The following DEPDC1B variants were observed in gnomAD, a reference collection of about 807,000 sequenced individuals.
DEPDC1B encodes the protein DEP domain-containing protein 1B.
Under a neutral mutation model 66.5 loss-of-function variants are expected in DEPDC1B, and 51 were observed. The ratio of observed to expected loss-of-function variants is 0.77; its 90% CI spans 0.61 to 0.97. The LOEUF is 0.97. Among genes scored for constraint, DEPDC1B ranks in the 50% least tolerant of loss-of-function variants. The pLI is 0.00. For synonymous variants in DEPDC1B, 226 were observed against 223.6 expected (o/e 1.01, Z -0.10); for missense variants, 552 against 637.1 (o/e 0.87, Z 1.44).
intron 6 of DEPDC1B, among the ~76,000 whole-genome samples, chr5:60,640,288 T>C (rs2111858555): frequency 6.6e-6 from 1 of 152,270 alleles, no homozygotes; most frequent in African/African-American, 2.4e-5. Flanking sequence ...ACACATTGCC[T>C]AGAATTACTC....
At chr5:60,643,108 T>A (rs1048274825) in intron 5 of DEPDC1B, among the ~76,000 whole-genome samples, 3 of 151,808 alleles carry the variant, frequency 2.0e-5, no homozygotes, top group South Asian at 2.1e-4. Flanking sequence ...TTTAAAGCTA[T>A]AGTAAAAAGA....
At chr5:60,637,414 A>T (rs1293999476) in intron 7 of DEPDC1B, among the ~76,000 whole-genome samples, 1 of 152,196 alleles carries the variant, frequency 6.6e-6, no homozygotes, top group Non-Finnish European at 1.5e-5. Flanking sequence ...TTCTGCCATG[A>T]GTAAAAGCTC....
intron 2 of DEPDC1B, among the ~76,000 whole-genome samples, chr5:60,653,242 T>A (rs1343912697): frequency 6.7e-6 from 1 of 149,316 alleles, no homozygotes; most frequent in Non-Finnish European, 1.5e-5. Context: ...TCTAAACGTG[T>A]TCCTTTTTTG....
At chr5:60,661,545 C>T (rs1056846091) in intron 2 of DEPDC1B, among the ~76,000 whole-genome samples, 19 of 152,144 alleles carry the variant, frequency 1.2e-4, no homozygotes, top group Non-Finnish European at 4.4e-5. Flanking sequence ...CTTTTTCCCT[C>T]TCAGACTTGA....
chr5:60,622,297 T>C (rs1051408550), intron 7 of DEPDC1B, among the ~76,000 whole-genome samples: 1 of 152,142 alleles, frequency 6.6e-6, no homozygotes, highest in Admixed American at 6.6e-5. Context: ...GATTCCCCTT[T>C]CCTAGAATTT....
intron 7 of DEPDC1B, among the ~76,000 whole-genome samples, chr5:60,617,205 G>A (rs1287029302): frequency 3.9e-5 from 6 of 152,242 alleles, no homozygotes; most frequent in Non-Finnish European, 7.4e-5. Flanking sequence ...AAAGACCATC[G>A]AGGCTAGGAA....
In DEPDC1B at chr5:60,645,533, C is replaced by A. The variant is rs1753292591; in HGVS notation, c.537G>T (p.Glu179Asp). Residue 179 changes from glutamate to aspartate, a missense_variant, in exon 4 of 11, where the codon GAG (glutamate) becomes GAT (aspartate). Glu to Asp is a conservative substitution (Grantham distance 45, BLOSUM62 2). Coordinates refer to ENST00000265036, the MANE Select transcript of DEPDC1B (RefSeq NM_018369.3). Reference sequence around the variant, plus strand: ...ACTTCCATATCTCTTCTACATTGGCCTCTGTCAGCTGTCTGCGGTGGACAA... The same window carrying A: ...ACTTCCATATCTCTTCTACATTGGCATCTGTCAGCTGTCTGCGGTGGACAA... ...CRLVHRRQLT[E>D]ANVEEIWKSM... is the part of the protein sequence containing the mutation. 2 of 1,612,996 alleles carry A rather than the reference C, an allele frequency of 1.2e-6. No homozygotes were observed. Among genetic ancestry groups the A allele is most frequent in the Middle Eastern group, 1.7e-4 (1 of 6,054 alleles).
chr5:60,662,168 C>A (rs1369448711), intron 2 of DEPDC1B, among the ~76,000 whole-genome samples: 3 of 151,588 alleles, frequency 2.0e-5, no homozygotes, highest in Non-Finnish European at 4.4e-5. Context: ...GCAGGTGGAT[C>A]ACGAGGTCAG....
intron 2 of DEPDC1B, among the ~76,000 whole-genome samples, chr5:60,686,412 C>T (rs1008635676): frequency 6.6e-6 from 1 of 152,124 alleles, no homozygotes; most frequent in Non-Finnish European, 1.5e-5. Context: ...CTTTATTTTC[C>T]CTTGGATTAT....
chr5:60,645,657 A>G (rs1391781943), intron 3 of DEPDC1B, 38 bp from the exon 4 acceptor site: 1 of 1,578,216 alleles, frequency 6.3e-7, no homozygotes, highest in Admixed American at 1.8e-5. Context: ...GGGAAGGAGA[A>G]ACGGTAGAAA....
At position 60,682,445 on chromosome 5, in the gene DEPDC1B, A is replaced by T. The variant is rs1298124024; in HGVS notation, c.314+4517T>A. Among the ~76,000 whole-genome samples the T allele has an allele frequency of 2.0e-5, 3 of 152,328 alleles. No homozygotes were observed. In the South Asian group the frequency reaches 6.2e-4, roughly 32 times the overall value. On this transcript the variant is annotated intron_variant, in intron 2 of 10. Coordinates refer to ENST00000265036, the MANE Select transcript of DEPDC1B (RefSeq NM_018369.3). ...ACGAGTTAATGGGTGCAGCACACCA[A>T]CATGACACATGTATACATATGTAAC...
chr5:60,649,744 CAAAA>C (rs899254936), intron 2 of DEPDC1B, among the ~76,000 whole-genome samples: 25 of 151,272 alleles, frequency 1.7e-4, no homozygotes, highest in African/African-American at 6.1e-4. Context: ...AATTTTTACA[CAAAA>C]AAAAGACAGT....
At chr5:60,697,568 G>T (rs2112056562) in intron 1 of DEPDC1B, among the ~76,000 whole-genome samples, 1 of 152,138 alleles carries the variant, frequency 6.6e-6, no homozygotes. Flanking sequence ...TTACACTGGG[G>T]AAACAATTAC....
rs1323826916 is a variant in DEPDC1B, at chr5:60,604,215, A to ATTTTTTTTTTTTTTTTT, written c.1066-649_1066-648insAAAAAAAAAAAAAAAAA. 1.3e-4 allele frequency among the ~76,000 whole-genome samples: 8 copies of ATTTTTTTTTTTTTTTTT among 60,102 alleles called. No individual in the cohort carries two copies. The East Asian group carries it at 1.8e-3, about 14-fold the overall frequency. The allele number at this position is 60,102 out of a possible 152,430, so 39.4% of individuals were successfully genotyped here. A position where few individuals can be genotyped will look rare whatever the true frequency, so the allele number is the denominator to read the frequency against. ...AATTTCCATAGAATTGAAATTAACT[A>ATTTTTTTTTTTTTTTTT]TTCTTTTTTTTTTTTTTTTTTTTTT... On this transcript the variant is annotated intron_variant, in intron 8 of 10. Transcript: ENST00000265036.
chr5:60,612,537 A>G lies in DEPDC1B; in HGVS notation c.899-6681T>C, dbSNP rs1232593932. ...ACTGTTGAGATCTGCTCAAAAAAAA[A>G]AAAAAAAAAAAGAATAGTAAGTAAT... is the stretch of plus-strand genomic sequence containing the variant. On this transcript the variant is annotated intron_variant, in intron 7 of 10. Transcript: ENST00000265036. Among the ~76,000 whole-genome samples, 5 of 151,070 alleles carry G rather than the reference A, an allele frequency of 3.3e-5. No individual in the cohort carries two copies. The South Asian group carries it at 6.3e-4, about 19-fold the overall frequency.
intron 7 of DEPDC1B, 84 bp downstream of exon 7, chr5:60,638,666 G>C: frequency 7.3e-7 from 1 of 1,367,042 alleles, no homozygotes; most frequent in East Asian, 2.4e-5. Flanking sequence ...CATGAGTTTT[G>C]GCTAATGGAA....
chr5:60,656,223 C>A (rs182149170), intron 2 of DEPDC1B, among the ~76,000 whole-genome samples: 1 of 145,664 alleles, frequency 6.9e-6, no homozygotes, highest in Non-Finnish European at 1.5e-5. Flanking sequence ...TACAGTGGTG[C>A]GATTTTGGCT....
chr5:60,622,756 T>C (rs1752733122), intron 7 of DEPDC1B, among the ~76,000 whole-genome samples: 1 of 152,236 alleles, frequency 6.6e-6, no homozygotes, highest in Non-Finnish European at 1.5e-5. Context: ...CTCATTGTGG[T>C]TTTAATCTGC....
chr5:60,666,033 T>C (rs1489973178), intron 2 of DEPDC1B, among the ~76,000 whole-genome samples: 1 of 152,218 alleles, frequency 6.6e-6, no homozygotes, highest in African/African-American at 2.4e-5. Context: ...CTGCACACTC[T>C]TCTGGTCCGC....
Sources: allele counts gnomAD v4.1 joint callset (sites outside exome capture counted in the v4.1 genomes callset), GRCh38; gene constraint gnomAD v4.1.1; transcripts MANE v1.5; gene names NCBI Gene and HGNC (gene_info 2026-07-23, HGNC 2026-07-21).